The following TAPBPL variants were observed in gnomAD, a reference collection of about 807,000 sequenced individuals.
The protein encoded by TAPBPL is TAP binding protein like, also known as tapasin-related protein.
TAPBPL carries 32 observed loss-of-function variants against 44.8 expected under a neutral mutation model. The observed-to-expected ratio is 0.71, with a 90% CI of 0.54 to 0.96. The LOEUF (loss-of-function observed/expected upper bound fraction) is 0.96. TAPBPL is among the 40% of genes least tolerant of loss of function. TAPBPL has a pLI of 0.00. For synonymous variants in TAPBPL, 230 were observed against 240.7 expected, an observed-to-expected ratio of 0.96 and a Z score of 0.41; for missense variants, 520 against 586.6, an observed-to-expected ratio of 0.89 and a Z score of 1.17.
downstream of TAPBPL, chr12:6,464,412 G>T (rs1365868805): frequency 3.2e-6 from 5 of 1,559,348 alleles, no homozygotes; most frequent in African/African-American, 5.5e-5. Context: ...AGAGCAAACA[G>T]AGGGCAGAGG....
At chr12:6,471,210 A>G (rs11064213), downstream of TAPBPL, among the ~76,000 whole-genome samples, 41,250 of 152,088 alleles carry the variant, frequency 0.27, 6,365 homozygotes, top group East Asian at 0.44. This position sits in a 1 kb window ranked among gnomAD's most constrained non-coding sequence, Gnocchi z 4.0. Flanking sequence ...GGTGCCAGAT[A>G]CCGGATGCGG....
chr12:6,453,834 A>T lies in TAPBPL; in HGVS notation c.565+118A>T, dbSNP rs373977533. ...GGAGTTTGAGATCAGCCTGGTCAACACGGTGAAACCCCGTCTCTACTAATA... is the reference window on the plus strand; with the variant it reads ...GGAGTTTGAGATCAGCCTGGTCAACTCGGTGAAACCCCGTCTCTACTAATA... On this transcript the variant is annotated intron_variant, in intron 3 of 6. Transcript: ENST00000266556. This position sits in a 1 kb window ranked among gnomAD's most constrained non-coding sequence, Gnocchi z 4.8. 3 of 1,313,650 alleles carry T rather than the reference A, an allele frequency of 2.3e-6. No homozygotes were observed. The highest frequency in any genetic ancestry group is 2.8e-4 in the Middle Eastern group (1 of 3,630). The allele number at this position is 1,313,650 out of a possible 1,614,324, so 81.4% of individuals were successfully genotyped here. A position where few individuals can be genotyped will look rare whatever the true frequency, so the allele number is the denominator to read the frequency against.
intron 6 of TAPBPL, 92 bp from the exon 7 acceptor site, chr12:6,461,942 A>T: frequency 4.0e-6 from 4 of 1,007,776 alleles, no homozygotes; most frequent in Non-Finnish European, 6.0e-6. Flanking sequence ...GAAGGAGCAC[A>T]GGAGGCAGAT....
downstream of TAPBPL, chr12:6,464,742 C>T (rs928201341): frequency 2.0e-6 from 3 of 1,520,304 alleles, no homozygotes; most frequent in Non-Finnish European, 2.6e-6. Flanking sequence ...CTGCCCTTCC[C>T]CCGTCCCGAA....
At chr12:6,464,153 C>A (rs1949945884), downstream of TAPBPL, 10 of 1,408,838 alleles carry the variant, frequency 7.1e-6, no homozygotes, top group Non-Finnish European at 9.4e-6. Flanking sequence ...TTCGCCTCAG[C>A]CACTCCCCTC....
intron 3 of TAPBPL, among the ~76,000 whole-genome samples, chr12:6,454,946 G>C (rs1949664969): frequency 1.3e-5 from 2 of 152,016 alleles, no homozygotes; most frequent in South Asian, 4.2e-4. Context: ...GAAAACCCCA[G>C]AACACTCTAA....
chr12:6,465,933 T>C, downstream of TAPBPL: 1 of 1,614,256 alleles, frequency 6.2e-7, no homozygotes, highest in Non-Finnish European at 8.5e-7. Flanking sequence ...AGCTCGGTCA[T>C]CCAGCTCTGA....
intron 1 of TAPBPL, 197 bp downstream of exon 1, chr12:6,452,509 GGGAAAAT>G (rs1485708426): frequency 2.1e-6 from 3 of 1,432,222 alleles, no homozygotes; most frequent in Non-Finnish European, 2.7e-6. Context: ...GGACTCCACA[GGGAAAAT>G]GCTAAAGAGG....
downstream of TAPBPL, among the ~76,000 whole-genome samples, chr12:6,468,855 A>T (rs538998954): frequency 1.6e-4 from 25 of 152,300 alleles, no homozygotes; most frequent in African/African-American, 5.5e-4. Context: ...CTCAAATTTG[A>T]TGGAGAATAG....
At chr12:6,470,881 C>A (rs1945760933), downstream of TAPBPL, 1 of 380,842 alleles carries the variant, frequency 2.6e-6, no homozygotes, top group African/African-American at 2.3e-5. Context: ...CTTCAGTGAT[C>A]AATGCGACCA....
Position 6,453,586 on chromosome 12 carries a change from C to A in TAPBPL, c.435C>A (p.Asn145Lys). 1 of 1,614,208 alleles carries A rather than the reference C, an allele frequency of 6.2e-7. No homozygotes were observed. Among genetic ancestry groups the A allele is most frequent in the Non-Finnish European group, 8.5e-7 (1 of 1,180,030 alleles). Residue 145 changes from asparagine to lysine, a missense_variant, in exon 3 of 7, where the codon AAC (asparagine) becomes AAA (lysine). Coordinates refer to ENST00000266556, the MANE Select transcript of TAPBPL (RefSeq NM_018009.5). This position sits in a 1 kb window ranked among gnomAD's most constrained non-coding sequence, Gnocchi z 4.8. ...TVKTAAWFMA[N>K]MQVSGGGPSI... The stretch of plus-strand genomic sequence containing the variant: ...AGACAGCAGCTTGGTTCATGGCCAA[C>A]ATGCAGGTCTCTGGAGGGGGACCTA...
downstream of TAPBPL, chr12:6,464,011 T>G (rs1949942354): frequency 3.9e-6 from 5 of 1,292,726 alleles, no homozygotes; most frequent in Middle Eastern, 2.1e-4. Flanking sequence ...AAGCTCCACA[T>G]GACCAGGCAG....
chr12:6,468,219 G>T (rs546118469), downstream of TAPBPL, among the ~76,000 whole-genome samples: 1 of 152,364 alleles, frequency 6.6e-6, no homozygotes, highest in South Asian at 2.1e-4. Flanking sequence ...TCCGTGAAGG[G>T]AGCCAGGAGG....
At chr12:6,452,003 G>A (rs1949557537), upstream of TAPBPL, 1 of 562,258 alleles carries the variant, frequency 1.8e-6, no homozygotes, top group African/African-American at 1.9e-5. Flanking sequence ...GGTGGGTGGT[G>A]AGAAAGGAAA....
chr12:6,460,980 C>T, intron 6 of TAPBPL, 42 bp downstream of exon 6: 1 of 1,612,754 alleles, frequency 6.2e-7, no homozygotes. Context: ...TGGCCCACCT[C>T]ACCCACTCTA....
intron 3 of TAPBPL, among the ~76,000 whole-genome samples, chr12:6,455,834 C>T (rs1949690884): frequency 6.6e-6 from 1 of 150,758 alleles, no homozygotes; most frequent in African/African-American, 2.4e-5. Context: ...GATCTTGGCT[C>T]ACTGCAACCT....
chr12:6,463,233 C>T (rs1949926528), downstream of TAPBPL: 11 of 1,400,306 alleles, frequency 7.9e-6, no homozygotes, highest in Non-Finnish European at 8.3e-6. This position sits in a 1 kb window ranked among gnomAD's most constrained non-coding sequence, Gnocchi z 4.0. Flanking sequence ...GAATATACTA[C>T]AGGAAGAACA....
rs183794100 is a variant in TAPBPL at position 6,458,193 on chromosome 12, C to A, written c.904+449C>A. Among the ~76,000 whole-genome samples the A allele has an allele frequency of 1.9e-4, 29 of 152,226 alleles. No homozygotes were observed. In the East Asian group the frequency reaches 5.6e-3, roughly 29 times the overall value. On this transcript the variant is annotated intron_variant, in intron 4 of 6. Coordinates refer to ENST00000266556, the MANE Select transcript of TAPBPL (RefSeq NM_018009.5). Reference sequence around the variant, plus strand: ...GAGTTCAAGACCAGCCTGGCCAATACGGTGAAACTCCGTCTCTACTAAAAA... The same window carrying A: ...GAGTTCAAGACCAGCCTGGCCAATAAGGTGAAACTCCGTCTCTACTAAAAA...
chr12:6,452,228 G>A lies in TAPBPL; in HGVS notation c.-21G>A. The A allele has an allele frequency of 1.3e-6, 2 of 1,565,726 alleles. No homozygotes were observed. The highest frequency in any genetic ancestry group is 8.7e-7 in the Non-Finnish European group (1 of 1,155,142). On this transcript the variant is annotated 5_prime_UTR_variant, in exon 1 of 7. Transcript: ENST00000266556. ...TGTGGAGAAGGGCGGTGGGCAAGGA[G>A]GGAACTCGAGAGCAGCCTCCATGGG...
Sources: allele counts gnomAD v4.1 joint callset (sites outside exome capture counted in the v4.1 genomes callset), GRCh38; gene constraint gnomAD v4.1.1; non-coding constraint Gnocchi (gnomAD v3.1); transcripts MANE v1.5; gene names NCBI Gene and HGNC (gene_info 2026-07-23, HGNC 2026-07-21).